The following EEA1 variants were observed in gnomAD, a reference collection of about 807,000 sequenced individuals.
EEA1 encodes the protein early endosome antigen 1, 162kD.
A neutral mutation model predicts 209.2 loss-of-function variants in EEA1; 111 were observed. That is an observed-to-expected ratio of 0.53 (90% CI 0.45 to 0.62). The LOEUF (loss-of-function observed/expected upper bound fraction) is 0.62, where lower values mean the gene tolerates loss of function less well. Ranked by LOEUF, EEA1 falls within the 20% of genes least tolerant of loss-of-function variation. The probability of loss-of-function intolerance (pLI) is 0.00; values close to 1 mark genes in which losing one functional copy is unlikely to be tolerated. For missense variants in EEA1, 1,343 were observed against 1,530.8 expected, an observed-to-expected ratio of 0.88 and a Z score of 2.05; for synonymous variants, 536 against 540.6, an observed-to-expected ratio of 0.99 and a Z score of 0.12.
chr12:92,878,569 C>T (rs1319617070), intron 2 of EEA1, among the ~76,000 whole-genome samples: 1 of 152,028 alleles, frequency 6.6e-6, no homozygotes, highest in Non-Finnish European at 1.5e-5. Flanking sequence ...ATATTAAAGT[C>T]CTAAGCTTCC....
chr12:92,783,870 A>T (rs1874013383), intron 22 of EEA1, among the ~76,000 whole-genome samples: 1 of 152,070 alleles, frequency 6.6e-6, no homozygotes. Context: ...AACGTAATTT[A>T]GCAAAGGATC....
At chr12:92,893,383 G>A (rs1408989937) in intron 1 of EEA1, among the ~76,000 whole-genome samples, 1 of 152,148 alleles carries the variant, frequency 6.6e-6, no homozygotes, top group Non-Finnish European at 1.5e-5. Context: ...ATTTTAATTA[G>A]AGCAGTGTGG....
At chr12:92,828,619 C>CAT (rs111405083) in intron 11 of EEA1, among the ~76,000 whole-genome samples, 37,778 of 145,928 alleles carry the variant, frequency 0.26, 5,246 homozygotes, top group Non-Finnish European at 0.32. Flanking sequence ...ATATATATAT[C>CAT]ATATATATAT....
At chr12:92,923,473 C>G (rs1296163163) in intron 1 of EEA1, among the ~76,000 whole-genome samples, 2 of 152,206 alleles carry the variant, frequency 1.3e-5, no homozygotes, top group African/African-American at 4.8e-5. Context: ...CTACTCTATA[C>G]TAAACTATAT....
At chr12:92,802,858 ATAAT>A in intron 18 of EEA1, 124 bp from the exon 19 acceptor site, 1 of 703,124 alleles carries the variant, frequency 1.4e-6, no homozygotes, top group South Asian at 2.4e-5. Context: ...ACAAGTAAAA[ATAAT>A]TTAATTTCAT....
intron 2 of EEA1, among the ~76,000 whole-genome samples, chr12:92,870,857 A>C (rs539459198): frequency 1.3e-4 from 19 of 151,906 alleles, no homozygotes; most frequent in Non-Finnish European, 4.4e-5. Context: ...TTGTATTTTT[A>C]GTAGAGACAG....
intron 2 of EEA1, among the ~76,000 whole-genome samples, chr12:92,871,208 G>A (rs1048136255): frequency 1.3e-5 from 2 of 151,958 alleles, no homozygotes; most frequent in African/African-American, 4.8e-5. Context: ...TTCACAAAAA[G>A]ACAGCTGCAA....
chr12:92,881,438 G>A (rs1007611808), intron 2 of EEA1, among the ~76,000 whole-genome samples: 9 of 151,732 alleles, frequency 5.9e-5, no homozygotes, highest in Non-Finnish European at 1.0e-4. Context: ...ACGGAGGGAA[G>A]GAAAGGAAAA....
intron 2 of EEA1, among the ~76,000 whole-genome samples, chr12:92,891,055 A>ATC (rs1751737290): frequency 6.6e-6 from 1 of 152,136 alleles, no homozygotes. Flanking sequence ...CACATTCCTT[A>ATC]TCTCCTTTTT....
rs2136642315 is a variant in EEA1, at chr12:92,772,987, A to G, written c.*3024T>C. The G allele has an allele frequency of 6.6e-6, 1 of 152,314 alleles. No homozygotes were observed. Among genetic ancestry groups the G allele is most frequent in the African/African-American group, 2.4e-5 (1 of 41,548 alleles). The allele number at this position is 152,314 out of a possible 1,614,324, so 9.4% of individuals were successfully genotyped here. On this transcript the variant is annotated 3_prime_UTR_variant, in exon 29 of 29. Transcript: ENST00000322349. ...TCACATCTGCAACAATAACAAATTGATCATTAAAATTCAGGCTAAGGGCAA... is the reference window on the plus strand; with the variant it reads ...TCACATCTGCAACAATAACAAATTGGTCATTAAAATTCAGGCTAAGGGCAA...
chr12:92,803,304 A>C (rs1040315674), intron 18 of EEA1, among the ~76,000 whole-genome samples: 1 of 152,074 alleles, frequency 6.6e-6, no homozygotes, highest in Non-Finnish European at 1.5e-5. Flanking sequence ...AGATTATACA[A>C]AGGATTTGTT....
intron 3 of EEA1, 79 bp downstream of exon 3, chr12:92,864,780 AT>A (rs764490621): frequency 8.1e-5 from 107 of 1,326,038 alleles, no homozygotes; most frequent in Non-Finnish European, 1.1e-4. Flanking sequence ...TACTATTTTC[AT>A]AAGCTAATTA....
intron 10 of EEA1, among the ~76,000 whole-genome samples, chr12:92,836,741 C>A (rs1414731200): frequency 6.6e-6 from 1 of 152,058 alleles, no homozygotes; most frequent in Non-Finnish European, 1.5e-5. Context: ...ATACAAAAGC[C>A]TTTTACTGCC....
intron 16 of EEA1, 35 bp from the exon 17 acceptor site, chr12:92,811,469 A>G: frequency 6.8e-7 from 1 of 1,467,298 alleles, no homozygotes; most frequent in Non-Finnish European, 9.0e-7. Context: ...AACTTTGGTA[A>G]GGTTTACTAT....
chr12:92,858,277 T>C, intron 3 of EEA1: 1 of 735,892 alleles, frequency 1.4e-6, no homozygotes, highest in South Asian at 1.4e-5. Flanking sequence ...GGAATGATCC[T>C]TCTTGCACGT....
intron 1 of EEA1, among the ~76,000 whole-genome samples, chr12:92,920,790 C>A (rs1396748382): frequency 6.6e-6 from 1 of 150,488 alleles, no homozygotes; most frequent in Non-Finnish European, 1.5e-5. Context: ...GCAAAAGAAA[C>A]TACCATCAGA....
In EEA1 at chr12:92,770,996, GGTGTGTGTGTGT is replaced by G. The variant is rs57839500; in HGVS notation, c.*5003_*5014del. On this transcript the variant is annotated 3_prime_UTR_variant, in exon 29 of 29. Transcript: ENST00000322349. Reference sequence around the variant, plus strand: ...ATAAAAATACTTTCTGGTTTTGATTGGTGTGTGTGTGTGTGTGTGTGTGTGTTAGCACAGTAC... The same window carrying G: ...ATAAAAATACTTTCTGGTTTTGATTGGTGTGTGTGTGTGTTAGCACAGTAC... 1 of 150,264 alleles carries G rather than the reference GGTGTGTGTGTGT, an allele frequency of 6.7e-6. No homozygotes were observed. The highest frequency in any genetic ancestry group is 1.5e-5 in the Non-Finnish European group (1 of 67,418). 9.3% of individuals were successfully genotyped at this position (150,264 alleles called of 1,614,324 possible).
chr12:92,825,081 G>C (rs1014356857), intron 13 of EEA1, among the ~76,000 whole-genome samples: 4 of 152,090 alleles, frequency 2.6e-5, no homozygotes, highest in Non-Finnish European at 4.4e-5. Context: ...TCTCCTAGAG[G>C]GCAAGCACTC....
chr12:92,884,757 T>G, intron 2 of EEA1: 1 of 1,200,892 alleles, frequency 8.3e-7, no homozygotes, highest in Non-Finnish European at 1.2e-6. Context: ...ACAGGGAAGC[T>G]ACAGGTTACA....
Sources: gnomAD v4.1 joint callset for allele counts (sites outside exome capture counted in the v4.1 genomes callset) on GRCh38, gnomAD v4.1.1 for gene constraint, MANE v1.5 for transcripts, NCBI Gene and HGNC (gene_info 2026-07-23, HGNC 2026-07-21) for gene names.